The following BHLHE41 variants were observed in gnomAD, a reference collection of about 807,000 sequenced individuals.
BHLHE41 encodes basic helix-loop-helix family member e41.
BHLHE41 carries 14 observed loss-of-function variants against 24.0 expected under a neutral mutation model. That is an observed-to-expected ratio of 0.58 (90% CI 0.39 to 0.91). The LOEUF (loss-of-function observed/expected upper bound fraction) is 0.91, where lower values mean the gene tolerates loss of function less well. Ranked by LOEUF, BHLHE41 falls within the 40% of genes least tolerant of loss-of-function variation. BHLHE41 has a pLI of 0.00. For missense variants in BHLHE41, 674 were observed against 655.4 expected, an observed-to-expected ratio of 1.03 and a Z score of -0.31; for synonymous variants, 394 against 315.5, an observed-to-expected ratio of 1.25 and a Z score of -2.64.
intron 3 of BHLHE41, 162 bp from the exon 4 acceptor site, chr12:26,123,903 T>G (rs935206374): frequency 2.6e-5 from 19 of 741,054 alleles, no homozygotes; most frequent in Non-Finnish European, 4.5e-5. Flanking sequence ...AATGATTTCT[T>G]GCCTTCAGCT....
chr12:26,120,805 C>A lies in BHLHE41; in HGVS notation c.*1261G>T, dbSNP rs1353877430. 6.6e-6 allele frequency: 1 copy of A among 152,626 alleles called. No individual in the cohort carries two copies. The highest frequency in any genetic ancestry group is 1.5e-5 in the Non-Finnish European group (1 of 68,044). 9.5% of individuals were successfully genotyped at this position (152,626 alleles called of 1,614,324 possible). Reference sequence around the variant, plus strand: ...CCAAGTGAGATTTCTCACAGTGCTACCTTGGCAACAAACTAAAAATATCTA... The same window carrying A: ...CCAAGTGAGATTTCTCACAGTGCTAACTTGGCAACAAACTAAAAATATCTA... On this transcript the variant is annotated 3_prime_UTR_variant, in exon 5 of 5. Coordinates refer to ENST00000242728, the MANE Select transcript of BHLHE41 (RefSeq NM_030762.3).
At position 26,122,196 on chromosome 12, in the gene BHLHE41, G is replaced by C; in HGVS notation, c.1319C>G (p.Pro440Arg). The C allele has an allele frequency of 1.4e-6, 2 of 1,408,472 alleles. No individual in the cohort carries two copies. The highest frequency in any genetic ancestry group is 2.9e-5 in the East Asian group (1 of 34,072). The allele number at this position is 1,408,472 out of a possible 1,614,324, so 87.2% of individuals were successfully genotyped here. The change falls in exon 5 of 5, where the codon CCC (proline) becomes CGC (arginine). Residue 440 changes from proline to arginine, a missense_variant. Pro to Arg is a moderately radical substitution (Grantham distance 103). Around this residue, in one of 3 missense-constraint regions of BHLHE41, gnomAD observed 602 missense variants for 570.8 expected, o/e 1.05. Transcript: ENST00000242728. ...AATLLPHEVA[P>R]LGAPHPQHPH... Reference sequence around the variant, plus strand: ...GTGCTGGGGGTGCGGCGCCCCAAGGGGCGCCACCTCGTGCGGCAGGAGGGT... The same window carrying C: ...GTGCTGGGGGTGCGGCGCCCCAAGGCGCGCCACCTCGTGCGGCAGGAGGGT...
At position 26,121,758 on chromosome 12, in the gene BHLHE41, G is replaced by T; in HGVS notation, c.*308C>A. 1 of 446,736 alleles carries T rather than the reference G, an allele frequency of 2.2e-6. No homozygotes were observed. Among genetic ancestry groups the T allele is most frequent in the Non-Finnish European group, 3.7e-6 (1 of 267,670 alleles). The allele number at this position is 446,736 out of a possible 1,614,324, so 27.7% of individuals were successfully genotyped here. On this transcript the variant is annotated 3_prime_UTR_variant, in exon 5 of 5. Coordinates refer to ENST00000242728, the MANE Select transcript of BHLHE41 (RefSeq NM_030762.3). Reference sequence around the variant, plus strand: ...ATAATGGAACATGGCCTAAAAGGGGGCAAAATTTATTTGGGGGATTAAAAA... The same window carrying T: ...ATAATGGAACATGGCCTAAAAGGGGTCAAAATTTATTTGGGGGATTAAAAA...
chr12:26,124,516 T>C lies in BHLHE41; in HGVS notation c.126+3A>G. ...ATGAGGAATATCGGGAACTTACACT[T>C]ACCTTGGTGTCGTCTCGTTTCATGC... is the stretch of plus-strand genomic sequence containing the variant. On this transcript the variant is annotated splice_donor_region_variant and intron_variant, in intron 2 of 4. Transcript: ENST00000242728. 6.2e-7 allele frequency: 1 copy of C among 1,613,842 alleles called. No individual in the cohort carries two copies. Among genetic ancestry groups the C allele is most frequent in the Non-Finnish European group, 8.5e-7 (1 of 1,179,750 alleles).
rs909227356 is a variant in BHLHE41 at position 26,122,282 on chromosome 12, C to CGCGGCGGCGGCGGCG, written c.1218_1232dup (p.Ala407_Ala411dup). 8.3e-7 allele frequency: 1 copy of CGCGGCGGCGGCGGCG among 1,202,354 alleles called. No homozygotes were observed. Among genetic ancestry groups the CGCGGCGGCGGCGGCG allele is most frequent in the Non-Finnish European group, 1.0e-6 (1 of 969,524 alleles). 74.5% of individuals were successfully genotyped at this position (1,202,354 alleles called of 1,614,324 possible). On this transcript the variant is annotated inframe_insertion, in exon 5 of 5. Coordinates refer to ENST00000242728, the MANE Select transcript of BHLHE41 (RefSeq NM_030762.3). ...ACAACACCGAGGACAGGCAGGGGAA[C>CGCGGCGGCGGCGGCG]GCGGCGGCGGCGGCGGCAGCGGCGG...
intron 3 of BHLHE41, 31 bp downstream of exon 3, chr12:26,124,041 G>A (rs1353291065): frequency 1.4e-6 from 2 of 1,401,372 alleles, no homozygotes; most frequent in Non-Finnish European, 1.0e-6. Context: ...CGCCCTTGGA[G>A]AGCAGCAAAG....
Position 26,122,638 on chromosome 12 carries a change from GGCC to G in BHLHE41, c.874_876del (p.Gly292del). On this transcript the variant is annotated inframe_deletion, in exon 5 of 5. Coordinates refer to ENST00000242728, the MANE Select transcript of BHLHE41 (RefSeq NM_030762.3). ...GCCGCCGCCGCCGCGCCGCCCCCCGGGCCGCCGCCGCTGCCGCCGCCGCGGGAA... is the reference window on the plus strand; with the variant it reads ...GCCGCCGCCGCCGCGCCGCCCCCCGGGCCGCCGCTGCCGCCGCCGCGGGAA... 1.5e-6 allele frequency: 2 copies of G among 1,304,244 alleles called. No individual in the cohort carries two copies. Among genetic ancestry groups the G allele is most frequent in the Non-Finnish European group, 1.9e-6 (2 of 1,026,046 alleles). The allele number at this position is 1,304,244 out of a possible 1,614,324, so 80.8% of individuals were successfully genotyped here. A position where few individuals can be genotyped will look rare whatever the true frequency, so the allele number is the denominator to read the frequency against.
rs1236236786 is a variant in BHLHE41 at position 26,122,294 on chromosome 12, G to A, written c.1221C>T (p.Ala407=). ...ACAGGCAGGGGAACGCGGCGGCGGC[G>A]GCGGCAGCGGCGGCGGCGGCTGCCG... ...AAAAAAAAAA[A]AAAAFPCLSS... is the part of the protein sequence containing the mutation. Residue 407 remains alanine (A), a synonymous_variant, in exon 5 of 5, where the codon GCC becomes GCT. Transcript: ENST00000242728. The A allele has an allele frequency of 1.1e-5, 13 of 1,188,300 alleles. No homozygotes were observed. Among genetic ancestry groups the A allele is most frequent in the African/African-American group, 8.0e-5 (5 of 62,142 alleles). 73.6% of individuals were successfully genotyped at this position (1,188,300 alleles called of 1,614,324 possible).
In BHLHE41 at chr12:26,122,347, G is replaced by C; in HGVS notation, c.1168C>G (p.Pro390Ala). 1.7e-6 allele frequency: 2 copies of C among 1,182,472 alleles called. No individual in the cohort carries two copies. The highest frequency in any genetic ancestry group is 2.1e-6 in the Non-Finnish European group (2 of 956,878). The allele number at this position is 1,182,472 out of a possible 1,614,324, so 73.2% of individuals were successfully genotyped here. A position where few individuals can be genotyped will look rare whatever the true frequency, so the allele number is the denominator to read the frequency against. Residue 390 changes from proline (P) to alanine (A), a missense_variant, in exon 5 of 5, where the codon CCC becomes GCC. Pro to Ala is a conservative substitution (Grantham distance 27). Transcript: ENST00000242728. The stretch of plus-strand genomic sequence containing the variant: ...GCTGCCGCCGGGGCGGGGATGCCGG[G>C]GTATAGCAGCGGGAACGGGGCGGCA... The part of the protein sequence containing the change: ...AAAAPFPLLY[P>A]GIPAPAAAAA...
At chr12:26,124,272 C>A in intron 2 of BHLHE41, 93 bp from the exon 3 acceptor site, 2 of 731,582 alleles carry the variant, frequency 2.7e-6, no homozygotes, top group Non-Finnish European at 4.6e-6. Context: ...GCCCCCCCAC[C>A]ATAAAACATA....
Position 26,124,940 on chromosome 12 carries a change from C to T in BHLHE41, c.-161G>A. The T allele has an allele frequency of 1.4e-6, 1 of 739,966 alleles. No homozygotes were observed. Among genetic ancestry groups the T allele is most frequent in the Non-Finnish European group, 2.4e-6 (1 of 418,628 alleles). The allele number at this position is 739,966 out of a possible 1,614,324, so 45.8% of individuals were successfully genotyped here. A position where few individuals can be genotyped will look rare whatever the true frequency, so the allele number is the denominator to read the frequency against. On this transcript the variant is annotated 5_prime_UTR_variant, in exon 1 of 5. Coordinates refer to ENST00000242728, the MANE Select transcript of BHLHE41 (RefSeq NM_030762.3). ...GTTGAAAGTGTGAAGCAGTTGGTCCCCCCCCTCCACCGCGCTCGCACACAC... is the reference window on the plus strand; with the variant it reads ...GTTGAAAGTGTGAAGCAGTTGGTCCTCCCCCTCCACCGCGCTCGCACACAC...
chr12:26,120,481 A>G lies in BHLHE41; in HGVS notation c.*1585T>C, dbSNP rs1944295353. 6.6e-6 allele frequency: 1 copy of G among 152,664 alleles called. No homozygotes were observed. The highest frequency in any genetic ancestry group is 1.5e-5 in the Non-Finnish European group (1 of 68,036). 9.5% of individuals were successfully genotyped at this position (152,664 alleles called of 1,614,324 possible). On this transcript the variant is annotated 3_prime_UTR_variant, in exon 5 of 5. Coordinates refer to ENST00000242728, the MANE Select transcript of BHLHE41 (RefSeq NM_030762.3). ...ACAGCATAAGCTTGTACCAAGCATA[A>G]GCATTGTAACAAAAGTGCAACTTTT... is the stretch of plus-strand genomic sequence containing the variant.
chr12:26,121,639 T>G lies in BHLHE41; in HGVS notation c.*427A>C. On this transcript the variant is annotated 3_prime_UTR_variant, in exon 5 of 5. Coordinates refer to ENST00000242728, the MANE Select transcript of BHLHE41 (RefSeq NM_030762.3). ...ATGTCAACTCCAAAGACGTCAAAGG[T>G]GTTAACATCTTTCCCCTACCCCGGG... is the stretch of plus-strand genomic sequence containing the variant. The G allele has an allele frequency of 5.3e-6, 1 of 189,354 alleles. No individual in the cohort carries two copies. Among genetic ancestry groups the G allele is most frequent in the South Asian group, 9.1e-5 (1 of 11,002 alleles). The allele number at this position is 189,354 out of a possible 1,614,324, so 11.7% of individuals were successfully genotyped here. A position where few individuals can be genotyped will look rare whatever the true frequency, so the allele number is the denominator to read the frequency against.
intron 4 of BHLHE41, among the ~76,000 whole-genome samples, 165 bp from the exon 5 acceptor site, chr12:26,123,333 G>A (rs139492842): frequency 2.0e-3 from 305 of 152,270 alleles, no homozygotes; most frequent in Non-Finnish European, 3.5e-3. Context: ...CGAGAGAAGC[G>A]GGGTGGCGGA....
At position 26,121,884 on chromosome 12, in the gene BHLHE41, G is replaced by A. The variant is rs1944308423; in HGVS notation, c.*182C>T. On this transcript the variant is annotated 3_prime_UTR_variant, in exon 5 of 5. Transcript: ENST00000242728. ...GGGGTGGTGCGGGATGAGCAAAACAGGAACTCCGAATGTACACATAACACC... is the reference window on the plus strand; with the variant it reads ...GGGGTGGTGCGGGATGAGCAAAACAAGAACTCCGAATGTACACATAACACC... 1.4e-6 allele frequency: 2 copies of A among 1,472,960 alleles called. No individual in the cohort carries two copies. The highest frequency in any genetic ancestry group is 2.8e-5 in the African/African-American group (2 of 71,068). 91.2% of individuals were successfully genotyped at this position (1,472,960 alleles called of 1,614,324 possible).
Position 26,124,123 on chromosome 12 carries a change from A to G in BHLHE41, c.183T>C (p.Asn61=). Residue 61 remains asparagine, a synonymous_variant, in exon 3 of 5, where the codon AAT becomes AAC. Coordinates refer to ENST00000242728, the MANE Select transcript of BHLHE41 (RefSeq NM_030762.3). The part of the protein sequence containing the change: ...LIEKKRRDRI[N]ECIAQLKDLL... ...AATCTTTCAGCTGAGCAATGCATTC[A>G]TTAATTCGGTCTCTTCTTTTCTTTT... is the stretch of plus-strand genomic sequence containing the variant. 1.2e-6 allele frequency: 2 copies of G among 1,613,254 alleles called. No individual in the cohort carries two copies. The highest frequency in any genetic ancestry group is 8.5e-7 in the Non-Finnish European group (1 of 1,179,230).
chr12:26,123,228 C>T (rs1455927378), intron 4 of BHLHE41, 60 bp from the exon 5 acceptor site: 1 of 1,510,680 alleles, frequency 6.6e-7, no homozygotes, highest in East Asian at 2.3e-5. Flanking sequence ...AGAAACATAC[C>T]CACGTTAAAA....
rs2137385662 is a variant in BHLHE41 at position 26,122,486 on chromosome 12, G to C, written c.1029C>G (p.Ala343=). 6.0e-6 allele frequency: 8 copies of C among 1,327,942 alleles called. No individual in the cohort carries two copies. The highest frequency in any genetic ancestry group is 3.4e-5 in the East Asian group (1 of 29,066). 82.3% of individuals were successfully genotyped at this position (1,327,942 alleles called of 1,614,324 possible). Residue 343 remains alanine (A), a synonymous_variant, in exon 5 of 5, where the codon GCC becomes GCG. Transcript: ENST00000242728. ...AGAAGGGCAGGCAGAAGGGGGCCGC[G>C]GCGGCCGCGGGCTGCGGGAAGGGCG... ...GGAPFPQPAA[A]AAPFCLPFCF...
chr12:26,122,750 G>T lies in BHLHE41; in HGVS notation c.765C>A (p.Gly255=), dbSNP rs1944323717. The T allele has an allele frequency of 1.3e-6, 2 of 1,596,932 alleles. No individual in the cohort carries two copies. The highest frequency in any genetic ancestry group is 8.5e-7 in the Non-Finnish European group (1 of 1,176,558). ...EAEARPDREK[G]KGAGASRVTI... is the part of the protein sequence containing the mutation. ...TGACGCGGCTCGCCCCCGCGCCTTT[G>T]CCTTTCTCGCGGTCCGGCCGGGCCT... The change falls in exon 5 of 5, where the codon GGC becomes GGA. Residue 255 remains glycine, a synonymous_variant. Transcript: ENST00000242728.
Sources: allele counts gnomAD v4.1 joint callset (sites outside exome capture counted in the v4.1 genomes callset), GRCh38; gene constraint gnomAD v4.1.1; regional missense constraint gnomAD v4.1.1; transcripts MANE v1.5; gene names NCBI Gene and HGNC (gene_info 2026-07-23, HGNC 2026-07-21).